Variants in UNC5B observed in about 807,000 individuals in gnomAD.
The protein encoded by UNC5B is unc-5 netrin receptor B, also known as netrin receptor UNC5B.
In UNC5B, 56 loss-of-function variants were observed where a neutral mutation model predicts 103.7. That is an observed-to-expected ratio of 0.54 (90% CI 0.44 to 0.67). UNC5B has a LOEUF of 0.67. Ranked by LOEUF, UNC5B falls within the 30% of genes least tolerant of loss-of-function variation. UNC5B has a pLI of 0.00. For missense variants in UNC5B, 1,194 were observed against 1,284.5 expected, an observed-to-expected ratio of 0.93 and a Z score of 1.08; for synonymous variants, 577 against 542.0, an observed-to-expected ratio of 1.06 and a Z score of -0.90.
At chr10:71,225,383 C>A (rs1309549403) in intron 1 of UNC5B, among the ~76,000 whole-genome samples, 2 of 152,238 alleles carry the variant, frequency 1.3e-5, no homozygotes, top group Non-Finnish European at 2.9e-5. Context: ...GTGCCCATTT[C>A]CCTGGCACCT....
chr10:71,271,088 C>T (rs535222367), intron 1 of UNC5B, among the ~76,000 whole-genome samples: 24 of 152,220 alleles, frequency 1.6e-4, no homozygotes, highest in African/African-American at 5.3e-4. Context: ...TTGGGAGGGG[C>T]AGGTCCACAG....
chr10:71,248,371 C>T (rs548039739), intron 1 of UNC5B, among the ~76,000 whole-genome samples: 4 of 152,116 alleles, frequency 2.6e-5, no homozygotes, highest in South Asian at 2.1e-4. Flanking sequence ...AAAAGCCCCC[C>T]GCACCTCCAG....
intron 1 of UNC5B, among the ~76,000 whole-genome samples, chr10:71,277,909 T>A (rs1286350113): frequency 1.3e-5 from 2 of 152,216 alleles, no homozygotes; most frequent in Non-Finnish European, 2.9e-5. Flanking sequence ...TGTGGAGTTC[T>A]GGCCCTGTCA....
intron 2 of UNC5B, among the ~76,000 whole-genome samples, chr10:71,280,973 C>T (rs1034563935): frequency 6.6e-6 from 1 of 152,188 alleles, no homozygotes; most frequent in Non-Finnish European, 1.5e-5. Flanking sequence ...TTCTTCAGCT[C>T]TGTTTATTTC....
chr10:71,293,430 G>C lies in UNC5B; in HGVS notation c.1798G>C (p.Val600Leu), dbSNP rs778071730. 1.9e-6 allele frequency: 3 copies of C among 1,613,940 alleles called. No homozygotes were observed. Among genetic ancestry groups the C allele is most frequent in the Non-Finnish European group, 2.5e-6 (3 of 1,179,974 alleles). Residue 600 changes from valine to leucine, a missense_variant, in exon 12 of 17, where the codon GTA becomes CTA. Coordinates refer to ENST00000335350, the MANE Select transcript of UNC5B (RefSeq NM_170744.5). Reference protein sequence around the residue: ...TLPLSEGTQTVLSPSVTCGPT... With the variant: ...TLPLSEGTQTLLSPSVTCGPT... ...CCCGCTTTCAGAAGGGACCCAGACAGTATTGAGCCCCTCGGTGACCTGTGG... is the reference window on the plus strand; with the variant it reads ...CCCGCTTTCAGAAGGGACCCAGACACTATTGAGCCCCTCGGTGACCTGTGG...
chr10:71,229,360 G>C (rs548734062), intron 1 of UNC5B, among the ~76,000 whole-genome samples: 1 of 152,332 alleles, frequency 6.6e-6, no homozygotes, highest in East Asian at 1.9e-4. Context: ...GGAGGATGGT[G>C]GGGGCATGAT....
chr10:71,288,490 A>G, intron 6 of UNC5B, 78 bp from the exon 7 acceptor site: 1 of 1,532,010 alleles, frequency 6.5e-7, no homozygotes, highest in Non-Finnish European at 8.8e-7. Context: ...GTGTTGGCAC[A>G]TTGCTCTGTT....
rs10823720 is a variant in UNC5B at position 71,297,998 on chromosome 10, G to A, written c.2580G>A (p.Leu860=). The A allele has an allele frequency of 5.0e-6, 8 of 1,613,820 alleles. No individual in the cohort carries two copies. The Admixed American group carries it at 1.2e-4, about 24-fold the overall frequency. The change falls in exon 16 of 17, where the codon CTG becomes CTA. Residue 860 remains leucine (L), a synonymous_variant. Transcript: ENST00000335350. ...QLGPYAFKIP[L]SIRQKICNSL... ...GACCTTATGCCTTCAAGATCCCACTGTCCATCCGCCAGAAGATATGCAACA... is the reference window on the plus strand; with the variant it reads ...GACCTTATGCCTTCAAGATCCCACTATCCATCCGCCAGAAGATATGCAACA...
intron 4 of UNC5B, 68 bp downstream of exon 4, chr10:71,285,497 G>A: frequency 1.5e-6 from 2 of 1,364,666 alleles, no homozygotes; most frequent in Non-Finnish European, 2.0e-6. Flanking sequence ...AGGCAGGCAT[G>A]GTATTTACCA....
intron 1 of UNC5B, among the ~76,000 whole-genome samples, chr10:71,225,793 A>T (rs1455094153): frequency 6.6e-6 from 1 of 151,682 alleles, no homozygotes; most frequent in Non-Finnish European, 1.5e-5. Flanking sequence ...AGGCAGAGAG[A>T]AGCTCAAGTT....
chr10:71,259,884 A>T (rs1046617540), intron 1 of UNC5B, among the ~76,000 whole-genome samples: 4 of 152,210 alleles, frequency 2.6e-5, no homozygotes, highest in African/African-American at 9.6e-5. Context: ...TGGGGTAGAT[A>T]GCCCAGGGGA....
chr10:71,279,721 C>G (rs1283847038), intron 1 of UNC5B, 100 bp from the exon 2 acceptor site: 1 of 1,329,392 alleles, frequency 7.5e-7, no homozygotes, highest in Non-Finnish European at 1.0e-6. Context: ...CCTCTGCCTC[C>G]CCTGTCCTCT....
chr10:71,257,405 C>G (rs1197006696), intron 1 of UNC5B, among the ~76,000 whole-genome samples: 1 of 152,238 alleles, frequency 6.6e-6, no homozygotes, highest in African/African-American at 2.4e-5. Flanking sequence ...GTCTCAGGAC[C>G]CCTGGCACCT....
At chr10:71,245,995 G>C (rs1844023618) in intron 1 of UNC5B, among the ~76,000 whole-genome samples, 1 of 152,212 alleles carries the variant, frequency 6.6e-6, no homozygotes, top group South Asian at 2.1e-4. Flanking sequence ...ATCTGAGCGA[G>C]GGTGTGCGGA....
intron 1 of UNC5B, among the ~76,000 whole-genome samples, chr10:71,246,829 C>T (rs772538509): frequency 3.0e-4 from 45 of 152,322 alleles, no homozygotes; most frequent in Non-Finnish European, 5.6e-4. Context: ...GAGCAGAGGG[C>T]GGCTGACCAG....
intron 1 of UNC5B, among the ~76,000 whole-genome samples, chr10:71,231,422 C>T (rs548484227): frequency 6.6e-6 from 1 of 152,330 alleles, no homozygotes; most frequent in East Asian, 1.9e-4. Flanking sequence ...CCAGAGAGTC[C>T]TTTCCTGGCC....
At chr10:71,253,682 C>T (rs1028569086) in intron 1 of UNC5B, among the ~76,000 whole-genome samples, 1 of 152,134 alleles carries the variant, frequency 6.6e-6, no homozygotes, top group African/African-American at 2.4e-5. Context: ...CTGTTGGCAT[C>T]GCCAGGGCTG....
chr10:71,282,183 G>A (rs1366528286), intron 2 of UNC5B, among the ~76,000 whole-genome samples: 1 of 152,212 alleles, frequency 6.6e-6, no homozygotes, highest in Non-Finnish European at 1.5e-5. Flanking sequence ...GGCAGTGGTG[G>A]GGCCTGATTC....
chr10:71,291,752 C>G lies in UNC5B; in HGVS notation c.1615C>G (p.Arg539Gly), dbSNP rs749708999. The change falls in exon 10 of 17, where the codon CGA (arginine) becomes GGA (glycine). Residue 539 changes from arginine to glycine, a missense_variant. Transcript: ENST00000335350. Reference protein sequence around the residue: ...LGSQQLLGLPRDPGSSVSGTF... With the variant: ...LGSQQLLGLPGDPGSSVSGTF... ...TTCCCAGCAGCTCTTGGGCCTGCCC[C>G]GAGACCCAGGGAGCAGCGTCAGCGG... 5.6e-6 allele frequency: 9 copies of G among 1,610,560 alleles called. No homozygotes were observed. The highest frequency in any genetic ancestry group is 1.7e-5 in the Admixed American group (1 of 59,998).
Sources: allele counts gnomAD v4.1 joint callset (sites outside exome capture counted in the v4.1 genomes callset), GRCh38; gene constraint gnomAD v4.1.1; transcripts MANE v1.5; gene names NCBI Gene and HGNC (gene_info 2026-07-23, HGNC 2026-07-21).